B3GALT9: variants seen among roughly 807,000 people sequenced by gnomAD.
B3GALT9 encodes the protein UDP-GlcNAc:betaGal beta-1,3-N-acetylglucosaminyltransferase 10 (putative).
At position 120,799,728 on chromosome 9, in the gene B3GALT9, C is replaced by A. The variant is rs1010181889; in HGVS notation, c.*50C>A. 5.3e-5 allele frequency: 21 copies of A among 398,018 alleles called. No individual in the cohort carries two copies. Among genetic ancestry groups the A allele is most frequent in the Non-Finnish European group, 8.4e-5 (19 of 226,034 alleles). The allele number at this position is 398,018 out of a possible 1,614,324, so 24.7% of individuals were successfully genotyped here. A position where few individuals can be genotyped will look rare whatever the true frequency, so the allele number is the denominator to read the frequency against. On this transcript the variant is annotated 3_prime_UTR_variant, in exon 3 of 3. Coordinates refer to ENST00000689072, the MANE Select transcript of B3GALT9 (RefSeq NM_001386823.1). ...TCTACTATTTTAAAGTTACCTTCTA[C>A]CCTGTTATGGAAAGCATCCCTTCTT... is the stretch of plus-strand genomic sequence containing the variant.
intron 1 of B3GALT9, among the ~76,000 whole-genome samples, chr9:120,794,506 TTGTGTGTGTGTGTGTGTGTGTGTGTGTG>T (rs10589412): frequency 7.0e-6 from 1 of 142,062 alleles, no homozygotes; most frequent in Non-Finnish European, 1.5e-5. Flanking sequence ...GCCCAGCTAG[TTGTGTGTGTGTGTGTGTGTGTGTGTGTG>T]TGTGTGTGTG....
At position 120,795,278 on chromosome 9, in the gene B3GALT9, C is replaced by T. The variant is rs911399437; in HGVS notation, c.-181-1145C>T. ...TCAAGAAAATCAAGCACCCATATCTCTTTGGAGCAAACATTCTCAACCCCA... is the reference window on the plus strand; with the variant it reads ...TCAAGAAAATCAAGCACCCATATCTTTTTGGAGCAAACATTCTCAACCCCA... On this transcript the variant is annotated intron_variant, in intron 1 of 2. Coordinates refer to ENST00000689072, the MANE Select transcript of B3GALT9 (RefSeq NM_001386823.1). Among the ~76,000 whole-genome samples the T allele has an allele frequency of 2.1e-4, 32 of 152,214 alleles. 1 individual carries two copies. Among genetic ancestry groups the T allele is most frequent in the African/African-American group, 7.5e-4 (31 of 41,542 alleles).
At chr9:120,797,044 G>A (rs1290249599) in intron 2 of B3GALT9, among the ~76,000 whole-genome samples, 1 of 134,850 alleles carries the variant, frequency 7.4e-6, no homozygotes, top group African/African-American at 2.7e-5. Flanking sequence ...GCCACAGAGT[G>A]AGACTCTGTC....
At chr9:120,796,864 C>G (rs1453056803) in intron 2 of B3GALT9, among the ~76,000 whole-genome samples, 2 of 151,996 alleles carry the variant, frequency 1.3e-5, no homozygotes, top group Non-Finnish European at 2.9e-5. Flanking sequence ...CAAGACCAGC[C>G]TAGCCAATAT....
At chr9:120,798,211 C>G (rs1040001505) in intron 2 of B3GALT9, among the ~76,000 whole-genome samples, 1 of 152,224 alleles carries the variant, frequency 6.6e-6, no homozygotes, top group East Asian at 1.9e-4. Context: ...AGTGATACCA[C>G]TTGTTAAGTT....
rs2044962404 is a variant in B3GALT9, at chr9:120,800,206, C to T, written c.*528C>T. On this transcript the variant is annotated 3_prime_UTR_variant, in exon 3 of 3. Coordinates refer to ENST00000689072, the MANE Select transcript of B3GALT9 (RefSeq NM_001386823.1). ...CATCTCTGTTCACTGCAACCTCTGC[C>T]TCCCAGGTTAAAGCAATTCTCCTGC... 1.3e-5 allele frequency among the ~76,000 whole-genome samples: 2 copies of T among 152,036 alleles called. No individual in the cohort carries two copies. Among genetic ancestry groups the T allele is most frequent in the Admixed American group, 1.3e-4 (2 of 15,276 alleles).
chr9:120,796,111 C>T (rs1218854076), intron 1 of B3GALT9, among the ~76,000 whole-genome samples: 1 of 152,158 alleles, frequency 6.6e-6, no homozygotes, highest in Admixed American at 6.5e-5. Flanking sequence ...AAATCTTCCT[C>T]TATGTCTAGT....
rs1054808853 is a variant in B3GALT9, at chr9:120,801,704, C to A, written c.*2026C>A. On this transcript the variant is annotated 3_prime_UTR_variant, in exon 3 of 3. Transcript: ENST00000689072. Reference sequence around the variant, plus strand: ...GCAGTGAGCCGAGATCATGCCACTGCACTCCAGCCTGGGCAACAGTCTGAG... The same window carrying A: ...GCAGTGAGCCGAGATCATGCCACTGAACTCCAGCCTGGGCAACAGTCTGAG... 1.3e-5 allele frequency among the ~76,000 whole-genome samples: 2 copies of A among 152,234 alleles called. No homozygotes were observed. The highest frequency in any genetic ancestry group is 2.9e-5 in the Non-Finnish European group (2 of 68,042).
chr9:120,794,892 TTTTAA>T (rs1451294352), intron 1 of B3GALT9, among the ~76,000 whole-genome samples: 1 of 152,226 alleles, frequency 6.6e-6, no homozygotes, highest in Non-Finnish European at 1.5e-5. Flanking sequence ...TTTTATTTAA[TTTTAA>T]TTTAATAGCC....
intron 2 of B3GALT9, among the ~76,000 whole-genome samples, chr9:120,797,422 C>G (rs2044947127): frequency 6.6e-6 from 1 of 151,940 alleles, no homozygotes; most frequent in Non-Finnish European, 1.5e-5. Flanking sequence ...ATGAGAATCC[C>G]TTGAACCCAG....
intron 1 of B3GALT9, among the ~76,000 whole-genome samples, 181 bp from the exon 2 acceptor site, chr9:120,796,242 T>G (rs1018304607): frequency 6.6e-6 from 1 of 152,168 alleles, no homozygotes; most frequent in Admixed American, 6.5e-5. Context: ...TATGGAGAAG[T>G]GATCTGGGTA....
intron 2 of B3GALT9, among the ~76,000 whole-genome samples, chr9:120,797,107 G>C (rs535540960): frequency 4.0e-5 from 6 of 150,672 alleles, no homozygotes; most frequent in Non-Finnish European, 8.9e-5. Flanking sequence ...GAGGGAGGGA[G>C]GGGGAGACAG....
intron 1 of B3GALT9, among the ~76,000 whole-genome samples, chr9:120,795,311 T>C (rs2044931864): frequency 6.6e-6 from 1 of 151,144 alleles, no homozygotes; most frequent in Non-Finnish European, 1.5e-5. Flanking sequence ...CCAGTACAGT[T>C]TGATGAATCA....
rs2044909449 is a variant in B3GALT9, at chr9:120,793,773, G to A, written c.-331G>A. ...AGACGTGTCCAAATTCATACAACCT[G>A]TTGGGCACCTCTTTATCCCGAACGC... On this transcript the variant is annotated 5_prime_UTR_variant, in exon 1 of 3. Coordinates refer to ENST00000689072, the MANE Select transcript of B3GALT9 (RefSeq NM_001386823.1). 1.0e-5 allele frequency: 4 copies of A among 397,484 alleles called. No homozygotes were observed. The highest frequency in any genetic ancestry group is 1.3e-4 in the South Asian group (1 of 7,580). 24.6% of individuals were successfully genotyped at this position (397,484 alleles called of 1,614,324 possible).
Position 120,798,948 on chromosome 9 carries a change from C to T in B3GALT9, c.380C>T (p.Pro127Leu). The T allele has an allele frequency of 5.0e-6, 2 of 398,996 alleles. No individual in the cohort carries two copies. The highest frequency in any genetic ancestry group is 4.4e-6 in the Non-Finnish European group (1 of 226,070). The allele number at this position is 398,996 out of a possible 1,614,324, so 24.7% of individuals were successfully genotyped here. A position where few individuals can be genotyped will look rare whatever the true frequency, so the allele number is the denominator to read the frequency against. The change falls in exon 3 of 3, where the codon CCT becomes CTT. Residue 127 changes from proline to leucine, a missense_variant. Physicochemically the swap from Pro to Leu is moderately conservative, Grantham distance 98. Coordinates refer to ENST00000689072, the MANE Select transcript of B3GALT9 (RefSeq NM_001386823.1). ...PILTLFALGM[P>L]VSVTTQKEIN... Reference sequence around the variant, plus strand: ...CTCACACTGTTTGCTCTGGGAATGCCTGTTTCGGTAACTACCCAGAAAGAG... The same window carrying T: ...CTCACACTGTTTGCTCTGGGAATGCTTGTTTCGGTAACTACCCAGAAAGAG...
In B3GALT9 at chr9:120,799,760, G is replaced by A; in HGVS notation, c.*82G>A. 5.0e-6 allele frequency: 2 copies of A among 397,546 alleles called. No individual in the cohort carries two copies. Among genetic ancestry groups the A allele is most frequent in the Non-Finnish European group, 8.9e-6 (2 of 225,948 alleles). 24.6% of individuals were successfully genotyped at this position (397,546 alleles called of 1,614,324 possible). A position where few individuals can be genotyped will look rare whatever the true frequency, so the allele number is the denominator to read the frequency against. On this transcript the variant is annotated 3_prime_UTR_variant, in exon 3 of 3. Coordinates refer to ENST00000689072, the MANE Select transcript of B3GALT9 (RefSeq NM_001386823.1). ...ATGGAAAGCATCCCTTCTTTCCCAT[G>A]TTTTATGTAGGTTCTCTGAATCTTT...
In B3GALT9 at chr9:120,793,540, C is replaced by A. The variant is rs1434671281; in HGVS notation, c.-564C>A. 4 of 400,008 alleles carry A rather than the reference C, an allele frequency of 1.0e-5. No homozygotes were observed. The highest frequency in any genetic ancestry group is 3.6e-5 in the East Asian group (1 of 28,080). The allele number at this position is 400,008 out of a possible 1,614,324, so 24.8% of individuals were successfully genotyped here. A position where few individuals can be genotyped will look rare whatever the true frequency, so the allele number is the denominator to read the frequency against. ...GGAGTAGGGGTGGGGAGAAGAGCGT[C>A]CCGGGAAGCTGAACGCGTGCCGCGC... On this transcript the variant is annotated 5_prime_UTR_variant, in exon 1 of 3. Transcript: ENST00000689072.
rs188285837 is a variant in B3GALT9, at chr9:120,794,301, A to G, written c.-182+379A>G. On this transcript the variant is annotated intron_variant, in intron 1 of 2. Coordinates refer to ENST00000689072, the MANE Select transcript of B3GALT9 (RefSeq NM_001386823.1). Reference sequence around the variant, plus strand: ...CCTAAGGTCATAGTAAATGGCTGTCATAGGATTTCAACCCAAACCGACTTC... The same window carrying G: ...CCTAAGGTCATAGTAAATGGCTGTCGTAGGATTTCAACCCAAACCGACTTC... Among the ~76,000 whole-genome samples the G allele has an allele frequency of 1.2e-4, 19 of 152,150 alleles. No individual in the cohort carries two copies. The East Asian group carries it at 2.9e-3, about 23-fold the overall frequency.
At chr9:120,795,027 A>G (rs990032486) in intron 1 of B3GALT9, among the ~76,000 whole-genome samples, 1 of 152,198 alleles carries the variant, frequency 6.6e-6, no homozygotes, top group Non-Finnish European at 1.5e-5. Flanking sequence ...GACTTCATTT[A>G]GGGTACTTGA....
Sources: allele counts gnomAD v4.1 joint callset (sites outside exome capture counted in the v4.1 genomes callset), GRCh38; gene constraint gnomAD v4.1.1; transcripts MANE v1.5; gene names NCBI Gene and HGNC (gene_info 2026-07-23, HGNC 2026-07-21).